The following MYZAP variants were observed in gnomAD, a reference collection of about 807,000 sequenced individuals.
The protein encoded by MYZAP is GRINL1A complex locus upstream.
A neutral mutation model predicts 69.4 loss-of-function variants in MYZAP; 66 were observed. The observed-to-expected ratio is 0.95, with a 90% CI of 0.78 to 1.17. The LOEUF is 1.17. Ranked by LOEUF, MYZAP falls within the 50% of genes most tolerant of loss-of-function variation. MYZAP has a pLI of 0.00. For missense variants in MYZAP, 611 were observed against 556.2 expected (o/e 1.10, Z -0.99); for synonymous variants, 256 against 205.9 (o/e 1.24, Z -2.09).
intron 3 of MYZAP, among the ~76,000 whole-genome samples, chr15:57,620,504 T>G (rs2035739296): frequency 6.6e-6 from 1 of 152,202 alleles, no homozygotes; most frequent in Non-Finnish European, 1.5e-5. Context: ...AGGGACTGTT[T>G]GTAAGGTCTT....
intron 1 of MYZAP, among the ~76,000 whole-genome samples, chr15:57,601,231 ATGTG>A (rs1281753295): frequency 1.3e-5 from 2 of 151,594 alleles, no homozygotes; most frequent in Admixed American, 6.6e-5. Flanking sequence ...GAGCCTGTGT[ATGTG>A]TGTATGTGTG....
Position 57,629,170 on chromosome 15 carries a change from A to T in MYZAP, c.526-532A>T, listed in dbSNP as rs141026381. Among the ~76,000 whole-genome samples the T allele has an allele frequency of 2.4e-4, 37 of 152,062 alleles. 2 individuals carry two copies. In the East Asian group the frequency reaches 7.0e-3, roughly 29 times the overall value. On this transcript the variant is annotated intron_variant, in intron 5 of 12. Coordinates refer to ENST00000267853, the MANE Select transcript of MYZAP (RefSeq NM_001018100.5). ...AGCTCGTATTTTGTTTTCTGATTTCATTGTGGCAATTTGGGAAATACAGAA... is the reference window on the plus strand; with the variant it reads ...AGCTCGTATTTTGTTTTCTGATTTCTTTGTGGCAATTTGGGAAATACAGAA...
At chr15:57,631,128 G>T (rs1285622933) in intron 6 of MYZAP, among the ~76,000 whole-genome samples, 1 of 152,140 alleles carries the variant, frequency 6.6e-6, no homozygotes, top group Admixed American at 6.5e-5. Flanking sequence ...GTTACTTGGG[G>T]GGTGAAAAAA....
chr15:57,669,436 C>T (rs1407550693), intron 11 of MYZAP, among the ~76,000 whole-genome samples: 2 of 152,128 alleles, frequency 1.3e-5, no homozygotes, highest in Admixed American at 1.3e-4. Context: ...CAGTTGTTTA[C>T]TTTTAATGTC....
At chr15:57,643,359 T>G (rs1467352010) in intron 10 of MYZAP, among the ~76,000 whole-genome samples, 3 of 152,208 alleles carry the variant, frequency 2.0e-5, no homozygotes, top group African/African-American at 7.2e-5. Flanking sequence ...CCTTTGGGTT[T>G]TATTATCCTG....
At chr15:57,651,181 C>T (rs2470358) in intron 10 of MYZAP, among the ~76,000 whole-genome samples, 3,649 of 152,198 alleles carry the variant, frequency 0.024, 160 homozygotes, top group African/African-American at 0.084. Context: ...CTTTAGGAAG[C>T]GCTTCCAAAA....
In MYZAP at chr15:57,619,685, A is replaced by G. The variant is rs1471705832; in HGVS notation, c.318+1497A>G. Among the ~76,000 whole-genome samples, 4 of 152,202 alleles carry G rather than the reference A, an allele frequency of 2.6e-5. No homozygotes were observed. The East Asian group carries it at 7.7e-4, about 29-fold the overall frequency. Reference sequence around the variant, plus strand: ...TAATTTTTAACCATTCAGAATATTCAATTCCTGAATTTCCTGTTAAGAATA... The same window carrying G: ...TAATTTTTAACCATTCAGAATATTCGATTCCTGAATTTCCTGTTAAGAATA... On this transcript the variant is annotated intron_variant, in intron 3 of 12. Transcript: ENST00000267853.
chr15:57,630,210 C>T (rs1350664601), intron 6 of MYZAP, among the ~76,000 whole-genome samples: 7 of 152,276 alleles, frequency 4.6e-5, no homozygotes, highest in Admixed American at 3.3e-4. Context: ...TCAGGTGATC[C>T]GCCTGCCTTG....
intron 12 of MYZAP, among the ~76,000 whole-genome samples, chr15:57,677,973 G>A (rs1256197504): frequency 6.7e-6 from 1 of 149,880 alleles, no homozygotes; most frequent in Admixed American, 6.7e-5. Flanking sequence ...GGAGGCCAAG[G>A]CGGGAGGATC....
intron 10 of MYZAP, among the ~76,000 whole-genome samples, chr15:57,644,199 G>T (rs1047755258): frequency 6.6e-6 from 1 of 152,180 alleles, no homozygotes; most frequent in Admixed American, 6.5e-5. Flanking sequence ...TCTCCTTGCT[G>T]GGTTTCATGT....
chr15:57,654,867 A>G (rs117943624), intron 10 of MYZAP, among the ~76,000 whole-genome samples: 109 of 151,420 alleles, frequency 7.2e-4, no homozygotes, highest in Admixed American at 2.4e-3. Context: ...TTTTCAAAAC[A>G]TATTGGGGGG....
chr15:57,679,849 C>G (rs569858191), intron 12 of MYZAP, among the ~76,000 whole-genome samples: 2 of 152,166 alleles, frequency 1.3e-5, no homozygotes, highest in Non-Finnish European at 2.9e-5. Flanking sequence ...GGGCACACTC[C>G]CAGCTGGTGT....
At chr15:57,621,970 C>A (rs1461139440) in intron 4 of MYZAP, among the ~76,000 whole-genome samples, 2 of 152,112 alleles carry the variant, frequency 1.3e-5, no homozygotes, top group African/African-American at 4.8e-5. Flanking sequence ...TATTATTTAA[C>A]ATTGTTCTTC....
intron 11 of MYZAP, among the ~76,000 whole-genome samples, chr15:57,669,435 A>G (rs1321360201): frequency 6.6e-6 from 1 of 151,948 alleles, no homozygotes; most frequent in Non-Finnish European, 1.5e-5. Context: ...CCAGTTGTTT[A>G]CTTTTAATGT....
chr15:57,607,909 A>C (rs2034858586), intron 2 of MYZAP, among the ~76,000 whole-genome samples: 1 of 151,466 alleles, frequency 6.6e-6, no homozygotes, highest in Non-Finnish European at 1.5e-5. Context: ...TGTCGGGGAG[A>C]CTCTGTAGGG....
intron 1 of MYZAP, among the ~76,000 whole-genome samples, chr15:57,593,190 A>ATGCGCGCGCGCGCGCGCGCGCG (rs376306761): frequency 0.088 from 9,490 of 107,396 alleles, 516 homozygotes; most frequent in Admixed American, 0.16. Flanking sequence ...ACACAGGCGC[A>ATGCGCGCGCGCGCGCGCGCGCG]CACACACACA....
At chr15:57,659,602 A>G (rs2038179442) in intron 10 of MYZAP, among the ~76,000 whole-genome samples, 1 of 152,206 alleles carries the variant, frequency 6.6e-6, no homozygotes, top group Admixed American at 6.5e-5. Flanking sequence ...AGTGAATGAG[A>G]GATTACTTTG....
chr15:57,606,619 C>A (rs1382238958), intron 2 of MYZAP, among the ~76,000 whole-genome samples: 1 of 151,546 alleles, frequency 6.6e-6, no homozygotes, highest in African/African-American at 2.4e-5. Flanking sequence ...AGGAGATATA[C>A]CTAATGCTAA....
At chr15:57,633,875 A>G (rs1366184179) in intron 8 of MYZAP, 134 bp downstream of exon 8, 13 of 1,122,878 alleles carry the variant, frequency 1.2e-5, no homozygotes, top group African/African-American at 9.6e-5. Context: ...AGACAAAGCT[A>G]TAAAATAAAG....
Sources: allele counts gnomAD v4.1 joint callset (sites outside exome capture counted in the v4.1 genomes callset), GRCh38; gene constraint gnomAD v4.1.1; transcripts MANE v1.5; gene names NCBI Gene and HGNC (gene_info 2026-07-23, HGNC 2026-07-21).